Variants in RFX8 observed in about 807,000 individuals in gnomAD.
RFX8 encodes the protein DNA-binding protein RFX8.
Under a neutral mutation model 54.6 loss-of-function variants are expected in RFX8, and 46 were observed. That is an observed-to-expected ratio of 0.84 (90% CI 0.67 to 1.08). RFX8 has a LOEUF of 1.08. RFX8 is among the 50% of genes least tolerant of loss of function. The pLI is 0.00. For synonymous variants in RFX8, 192 were observed against 209.5 expected (o/e 0.92, Z 0.72); for missense variants, 536 against 562.3 (o/e 0.95, Z 0.47).
At chr2:101,449,523 A>G (rs888889616) in intron 2 of RFX8, among the ~76,000 whole-genome samples, 1 of 152,174 alleles carries the variant, frequency 6.6e-6, no homozygotes, top group Non-Finnish European at 1.5e-5. Context: ...CTTTGGGGTG[A>G]CACTTTGTAT....
chr2:101,410,956 CAG>C (rs1289459123), intron 8 of RFX8, among the ~76,000 whole-genome samples: 2 of 152,194 alleles, frequency 1.3e-5, no homozygotes, highest in African/African-American at 4.8e-5. Context: ...CTTGTTGAAA[CAG>C]AAATATTTTG....
At chr2:101,463,176 T>C (rs1030456955) in intron 2 of RFX8, among the ~76,000 whole-genome samples, 2 of 152,208 alleles carry the variant, frequency 1.3e-5, no homozygotes, top group African/African-American at 2.4e-5. Context: ...AATTGTGAGA[T>C]ACATACCCTA....
rs561146683 is a variant in RFX8 at position 101,443,408 on chromosome 2, A to G, written c.73-20936T>C. On this transcript the variant is annotated intron_variant, in intron 2 of 11. Transcript: ENST00000428343. ...AAGTATTAGGCACAATCATATAATC[A>G]GGCATTCCACTCACTAGTAATATTG... Among the ~76,000 whole-genome samples, 4 of 152,354 alleles carry G rather than the reference A, an allele frequency of 2.6e-5. No individual in the cohort carries two copies. In the South Asian group the frequency reaches 8.3e-4, roughly 32 times the overall value.
chr2:101,473,867 C>A (rs1690144547), intron 1 of RFX8, among the ~76,000 whole-genome samples: 1 of 152,214 alleles, frequency 6.6e-6, no homozygotes, highest in Non-Finnish European at 1.5e-5. Flanking sequence ...CCTGGCAAGG[C>A]CCAGGAGCTT....
intron 11 of RFX8, among the ~76,000 whole-genome samples, chr2:101,401,217 G>T (rs1685425508): frequency 1.3e-5 from 2 of 152,204 alleles, no homozygotes; most frequent in Non-Finnish European, 1.5e-5. Flanking sequence ...ACCAAATACA[G>T]ATAGAGAACT....
chr2:101,432,303 C>T (rs1006529002), intron 2 of RFX8, among the ~76,000 whole-genome samples: 8 of 152,176 alleles, frequency 5.3e-5, no homozygotes, highest in African/African-American at 1.9e-4. Context: ...AGTTGGGCTA[C>T]AAGGCAGGTG....
intron 2 of RFX8, 56 bp from the exon 3 acceptor site, chr2:101,422,528 A>G: frequency 9.5e-7 from 1 of 1,055,284 alleles, no homozygotes; most frequent in Non-Finnish European, 1.4e-6. Context: ...TTTTTTTGGC[A>G]TATAAATCTT....
At chr2:101,406,514 G>C (rs1022791248) in intron 9 of RFX8, among the ~76,000 whole-genome samples, 3 of 148,924 alleles carry the variant, frequency 2.0e-5, no homozygotes, top group Non-Finnish European at 4.5e-5. Flanking sequence ...TTTTGGGGGG[G>C]AGGGTGGGTA....
chr2:101,474,149 C>G, intron 1 of RFX8: 1 of 590,270 alleles, frequency 1.7e-6, no homozygotes, highest in Non-Finnish European at 3.0e-6. Context: ...CCACGCTTCC[C>G]CTCCCCGGCC....
intron 1 of RFX8, among the ~76,000 whole-genome samples, chr2:101,470,400 C>T (rs899364097): frequency 2.6e-5 from 4 of 152,070 alleles, no homozygotes; most frequent in Non-Finnish European, 2.9e-5. Flanking sequence ...AAGGAGAGAC[C>T]GATTGGGGAC....
chr2:101,456,119 A>C (rs534943227), intron 2 of RFX8, among the ~76,000 whole-genome samples: 3 of 152,274 alleles, frequency 2.0e-5, no homozygotes, highest in South Asian at 2.1e-4. Flanking sequence ...TGGGCTGAGA[A>C]GATGGGGTTT....
intron 2 of RFX8, 131 bp from the exon 3 acceptor site, chr2:101,422,603 T>C (rs1189863797): frequency 3.4e-6 from 2 of 588,392 alleles, no homozygotes; most frequent in Non-Finnish European, 3.0e-6. Context: ...CTGCACACAT[T>C]ACTGATTCCA....
chr2:101,459,545 G>T (rs1573475188), intron 2 of RFX8, among the ~76,000 whole-genome samples: 1 of 152,164 alleles, frequency 6.6e-6, no homozygotes, highest in Non-Finnish European at 1.5e-5. Flanking sequence ...ACCAGCAGAG[G>T]CTGCAGAACA....
chr2:101,467,754 C>T (rs1393777835), intron 1 of RFX8, among the ~76,000 whole-genome samples: 1 of 152,060 alleles, frequency 6.6e-6, no homozygotes, highest in Non-Finnish European at 1.5e-5. Context: ...GGCGCCTATT[C>T]CAGCAGCAGT....
chr2:101,397,557 A>G lies in RFX8; in HGVS notation c.1413T>C (p.Ala471=), dbSNP rs1244673984. 5 of 1,539,978 alleles carry G rather than the reference A, an allele frequency of 3.2e-6. No homozygotes were observed. The South Asian group carries it at 4.9e-5, about 15-fold the overall frequency. Residue 471 remains alanine, a synonymous_variant, in exon 12 of 12, where the codon GCT becomes GCC. Coordinates refer to ENST00000428343, the MANE Select transcript of RFX8 (RefSeq NM_001145664.2). The part of the protein sequence containing the change: ...SEDIYFRENN[A]NV ...ATTCAAATAAATAATCTCACACATT[A>G]GCATTGTTTTCTCTGAAATAAATAT...
At chr2:101,408,821 C>T (rs113640342) in intron 9 of RFX8, among the ~76,000 whole-genome samples, 1,963 of 152,244 alleles carry the variant, frequency 0.013, 53 homozygotes, top group African/African-American at 0.044. Context: ...TCCCAAAGTC[C>T]CCTGCAGTCT....
chr2:101,474,545 G>A (rs1690206129), intron 1 of RFX8, 91 bp downstream of exon 1: 5 of 306,746 alleles, frequency 1.6e-5, no homozygotes, highest in Non-Finnish European at 2.4e-5. Context: ...CTGCGGTGTG[G>A]GCTGGAGCTG....
intron 2 of RFX8, among the ~76,000 whole-genome samples, chr2:101,435,962 G>A (rs898201682): frequency 1.3e-5 from 2 of 152,028 alleles, no homozygotes; most frequent in Non-Finnish European, 2.9e-5. Flanking sequence ...CAGTGAAAAC[G>A]AACGCCCCCA....
intron 3 of RFX8, among the ~76,000 whole-genome samples, chr2:101,422,100 C>T (rs1200350586): frequency 6.6e-6 from 1 of 152,170 alleles, no homozygotes; most frequent in Non-Finnish European, 1.5e-5. Flanking sequence ...GCCCTAATTT[C>T]TAGAAAATCC....
Sources: gnomAD v4.1 joint callset for allele counts (sites outside exome capture counted in the v4.1 genomes callset) on GRCh38, gnomAD v4.1.1 for gene constraint, MANE v1.5 for transcripts, NCBI Gene and HGNC (gene_info 2026-07-23, HGNC 2026-07-21) for gene names.